Variants in FAM13C observed in about 807,000 individuals in gnomAD.
FAM13C encodes family with sequence similarity 13 member C.
FAM13C carries 37 observed loss-of-function variants against 73.2 expected under a neutral mutation model. That is an observed-to-expected ratio of 0.51 (90% confidence interval 0.39 to 0.67). The LOEUF is 0.67. Ranked by LOEUF, FAM13C falls within the 30% of genes least tolerant of loss-of-function variation. The pLI, the probability that FAM13C is intolerant of heterozygous loss-of-function variation, is 0.00. For synonymous variants in FAM13C, 246 were observed against 260.9 expected (o/e 0.94, Z 0.55); for missense variants, 589 against 715.6 (o/e 0.82, Z 2.02).
Position 59,304,120 on chromosome 10 carries a change from C to T in FAM13C, c.444-1256G>A, listed in dbSNP as rs575256864. Among the ~76,000 whole-genome samples the T allele has an allele frequency of 1.2e-3, 190 of 152,222 alleles. 1 individual carries two copies. The highest frequency in any genetic ancestry group is 4.5e-3 in the African/African-American group (185 of 41,522). On this transcript the variant is annotated intron_variant, in intron 4 of 13. Coordinates refer to ENST00000618804, the MANE Select transcript of FAM13C (RefSeq NM_198215.4). Reference sequence around the variant, plus strand: ...CTGAGATTGCGTCACTGCACTCCAGCCTGAGCGACGGAGTGAGACTCAGTC... The same window carrying T: ...CTGAGATTGCGTCACTGCACTCCAGTCTGAGCGACGGAGTGAGACTCAGTC...
chr10:59,323,858 G>T, intron 4 of FAM13C, 130 bp downstream of exon 4: 1 of 811,142 alleles, frequency 1.2e-6, no homozygotes, highest in Non-Finnish European at 2.2e-6. Context: ...CCTTTAAGCA[G>T]CTTTTCTGAC....
intron 4 of FAM13C, among the ~76,000 whole-genome samples, chr10:59,320,559 A>G (rs1255659031): frequency 6.6e-6 from 1 of 152,228 alleles, no homozygotes; most frequent in Non-Finnish European, 1.5e-5. Context: ...AAAAGGGTTT[A>G]ATTGAGCAAA....
At chr10:59,254,303 C>A in intron 11 of FAM13C, 45 bp downstream of exon 11, 1 of 1,293,534 alleles carries the variant, frequency 7.7e-7, no homozygotes, top group Non-Finnish European at 1.1e-6. Context: ...ATCCTGTTAA[C>A]TACACATCAG....
intron 3 of FAM13C, among the ~76,000 whole-genome samples, chr10:59,326,821 G>C (rs1049173762): frequency 6.6e-6 from 1 of 152,120 alleles, no homozygotes; most frequent in Non-Finnish European, 1.5e-5. Context: ...TCTCTAGTCT[G>C]CCCTAGGTGA....
chr10:59,329,342 G>GTTTTTTTTTTTTTTT (rs71006247), intron 3 of FAM13C, among the ~76,000 whole-genome samples: 3 of 77,308 alleles, frequency 3.9e-5, no homozygotes, highest in Non-Finnish European at 2.5e-5. Flanking sequence ...TTTCTTTCTG[G>GTTTTTTTTTTTTTTT]TTTTTTTTTT....
At chr10:59,305,148 A>G (rs1848119333) in intron 4 of FAM13C, among the ~76,000 whole-genome samples, 1 of 152,220 alleles carries the variant, frequency 6.6e-6, no homozygotes, top group Non-Finnish European at 1.5e-5. Flanking sequence ...CACATGGCGA[A>G]GCTGGGTTTT....
intron 3 of FAM13C, among the ~76,000 whole-genome samples, chr10:59,335,531 C>T (rs1282312026): frequency 2.6e-5 from 4 of 152,192 alleles, no homozygotes; most frequent in African/African-American, 4.8e-5. Context: ...ACCAGCGCCA[C>T]TCCTCAAACT....
chr10:59,295,171 C>A (rs72808539), intron 5 of FAM13C, among the ~76,000 whole-genome samples: 23,977 of 152,212 alleles, frequency 0.16, 2,266 homozygotes, highest in East Asian at 0.27. Context: ...ATCCTAATAT[C>A]CTGATAACAT....
intron 4 of FAM13C, 51 bp downstream of exon 4, chr10:59,323,937 C>T: frequency 7.0e-7 from 1 of 1,434,400 alleles, no homozygotes; most frequent in East Asian, 2.3e-5. Flanking sequence ...CACAGCATTT[C>T]TGAGAAAGGA....
At chr10:59,277,785 G>A (rs773352137) in intron 6 of FAM13C, among the ~76,000 whole-genome samples, 1 of 152,168 alleles carries the variant, frequency 6.6e-6, no homozygotes, top group Non-Finnish European at 1.5e-5. Flanking sequence ...GAACTTTGGG[G>A]ACTTACCATT....
At chr10:59,360,853 G>GAAA (rs10615623) in intron 1 of FAM13C, among the ~76,000 whole-genome samples, 3 of 57,986 alleles carry the variant, frequency 5.2e-5, no homozygotes, top group Non-Finnish European at 1.2e-4. Flanking sequence ...AACCTCTACA[G>GAAA]AAAAAAAAAA....
At chr10:59,307,076 A>G (rs970100443) in intron 4 of FAM13C, among the ~76,000 whole-genome samples, 5 of 152,118 alleles carry the variant, frequency 3.3e-5, no homozygotes, top group Admixed American at 6.5e-5. Flanking sequence ...TTTTTTAATG[A>G]AGCCAGAAAA....
intron 5 of FAM13C, among the ~76,000 whole-genome samples, chr10:59,298,312 G>C (rs578120806): frequency 6.6e-6 from 1 of 152,304 alleles, no homozygotes; most frequent in Admixed American, 6.5e-5. Context: ...TACCTATATG[G>C]CCTTGAAATT....
intron 4 of FAM13C, among the ~76,000 whole-genome samples, chr10:59,318,755 T>A (rs2133986417): frequency 6.6e-6 from 1 of 152,176 alleles, no homozygotes; most frequent in Middle Eastern, 3.4e-3. Context: ...CAATACCCAC[T>A]CATTATCCAA....
intron 10 of FAM13C, among the ~76,000 whole-genome samples, chr10:59,259,265 A>G (rs1263731048): frequency 6.6e-6 from 1 of 152,224 alleles, no homozygotes; most frequent in Non-Finnish European, 1.5e-5. Context: ...CAAATGCGGA[A>G]ATTACAGAAA....
chr10:59,246,914 A>G lies in FAM13C; in HGVS notation c.*700T>C. The G allele has an allele frequency of 3.3e-6, 1 of 300,454 alleles. No homozygotes were observed. The highest frequency in any genetic ancestry group is 6.0e-6 in the Non-Finnish European group (1 of 166,034). The allele number at this position is 300,454 out of a possible 1,614,324, so 18.6% of individuals were successfully genotyped here. ...TTTTAATACAATATTTTATTTTAATATAAACATCTGTCAGTTATAGACAAA... is the reference window on the plus strand; with the variant it reads ...TTTTAATACAATATTTTATTTTAATGTAAACATCTGTCAGTTATAGACAAA... On this transcript the variant is annotated 3_prime_UTR_variant, in exon 14 of 14. Coordinates refer to ENST00000618804, the MANE Select transcript of FAM13C (RefSeq NM_198215.4).
chr10:59,363,153 G>A (rs1856591692), upstream of FAM13C: 1 of 152,434 alleles, frequency 6.6e-6, no homozygotes, highest in African/African-American at 2.4e-5. Context: ...GAGAGGAAGC[G>A]CCCAGCCCCG....
intron 5 of FAM13C, among the ~76,000 whole-genome samples, chr10:59,293,170 T>C (rs1846484057): frequency 7.1e-6 from 1 of 141,814 alleles, no homozygotes; most frequent in African/African-American, 2.6e-5. Context: ...ACCTCCTGGG[T>C]TCACGCCATT....
At chr10:59,264,022 G>A (rs750341792) in intron 9 of FAM13C, 63 bp downstream of exon 9, 1 of 1,418,900 alleles carries the variant, frequency 7.0e-7, no homozygotes, top group South Asian at 1.1e-5. Flanking sequence ...ATGCTCTGGA[G>A]CACATTATCA....
Sources: gnomAD v4.1 joint callset for allele counts (sites outside exome capture counted in the v4.1 genomes callset) on GRCh38, gnomAD v4.1.1 for gene constraint, MANE v1.5 for transcripts, NCBI Gene and HGNC (gene_info 2026-07-23, HGNC 2026-07-21) for gene names.